The following VAV2 variants were observed in gnomAD, a reference collection of about 807,000 sequenced individuals.
VAV2 encodes guanine nucleotide exchange factor VAV2.
VAV2 carries 67 observed loss-of-function variants against 132.5 expected under a neutral mutation model. The observed-to-expected ratio is 0.51, with a 90% CI of 0.42 to 0.62. The LOEUF (loss-of-function observed/expected upper bound fraction) is 0.62. Ranked by LOEUF, VAV2 falls within the 20% of genes least tolerant of loss-of-function variation. The pLI, the probability that VAV2 is intolerant of heterozygous loss-of-function variation, is 0.00. For synonymous variants in VAV2, 492 were observed against 443.5 expected, an observed-to-expected ratio of 1.11 and a Z score of -1.37; for missense variants, 938 against 1,153.6, an observed-to-expected ratio of 0.81 and a Z score of 2.71.
At chr9:133,830,183 A>C (rs1403981551) in intron 4 of VAV2, among the ~76,000 whole-genome samples, 1 of 152,182 alleles carries the variant, frequency 6.6e-6, no homozygotes, top group Non-Finnish European at 1.5e-5. Context: ...CTGGGCAGTC[A>C]GCGGAGTCCT....
intron 3 of VAV2, among the ~76,000 whole-genome samples, chr9:133,856,971 G>C (rs113680732): frequency 6.6e-6 from 1 of 152,152 alleles, no homozygotes; most frequent in Non-Finnish European, 1.5e-5. Context: ...TGCGCTGCAC[G>C]ATGCACAGAC....
chr9:133,901,502 C>T (rs889557652), intron 2 of VAV2, among the ~76,000 whole-genome samples: 2 of 152,236 alleles, frequency 1.3e-5, no homozygotes, highest in African/African-American at 2.4e-5. Context: ...GGCACCACCT[C>T]GAGCCTGGTC....
intron 3 of VAV2, among the ~76,000 whole-genome samples, chr9:133,860,365 C>A (rs759927263): frequency 4.6e-5 from 7 of 152,086 alleles, no homozygotes; most frequent in Non-Finnish European, 8.8e-5. Context: ...AAAGGAATTT[C>A]TGTGTCCTCT....
chr9:133,848,327 G>T (rs1310192618), intron 3 of VAV2, among the ~76,000 whole-genome samples: 2 of 143,360 alleles, frequency 1.4e-5, no homozygotes, highest in African/African-American at 5.1e-5. Context: ...AAGATGAAAC[G>T]AAACAGTATT....
intron 1 of VAV2, among the ~76,000 whole-genome samples, chr9:133,939,992 G>A (rs1180159859): frequency 5.9e-5 from 9 of 152,254 alleles, no homozygotes; most frequent in South Asian, 4.1e-4. Flanking sequence ...TGGCTGGGGC[G>A]GAACGGCCAT....
intron 21 of VAV2, among the ~76,000 whole-genome samples, chr9:133,779,487 C>G (rs10993797): frequency 0.022 from 3,412 of 152,348 alleles, 53 homozygotes; most frequent in Middle Eastern, 0.048. Flanking sequence ...TGAGCACTGC[C>G]TGGACTGCAC....
At chr9:133,847,538 G>T (rs114070966) in intron 3 of VAV2, among the ~76,000 whole-genome samples, 1 of 152,176 alleles carries the variant, frequency 6.6e-6, no homozygotes, top group African/African-American at 2.4e-5. Flanking sequence ...ACCAAGAACC[G>T]AACGGGAAGA....
rs1259034716 is a variant in VAV2 at position 133,834,408 on chromosome 9, G to T, written c.381-68C>A. 1.3e-6 allele frequency: 2 copies of T among 1,539,656 alleles called. No homozygotes were observed. Among genetic ancestry groups the T allele is most frequent in the African/African-American group, 1.4e-5 (1 of 73,616 alleles). On this transcript the variant is annotated intron_variant, in intron 3 of 29. Coordinates refer to ENST00000371850, the MANE Select transcript of VAV2 (RefSeq NM_001134398.2). The surrounding 1 kb of genome is among the most constrained non-coding windows in gnomAD (Gnocchi z 5.9). ...CTGCCGGCCAGTGGGACCCCAGCTG[G>T]ACCCCACAGCAGAGCCCAGTGTGGC...
chr9:133,909,402 CCT>C (rs1466681143), intron 2 of VAV2, among the ~76,000 whole-genome samples: 7 of 152,346 alleles, frequency 4.6e-5, no homozygotes, highest in Middle Eastern at 3.4e-3. Flanking sequence ...TCTCTCTCTG[CCT>C]CTGTTTCTCC....
chr9:133,900,427 C>T (rs187491318), intron 2 of VAV2, among the ~76,000 whole-genome samples: 1 of 152,154 alleles, frequency 6.6e-6, no homozygotes, highest in Admixed American at 6.5e-5. Flanking sequence ...CCCCTTTCCC[C>T]TAAAGCCAGT....
chr9:133,973,756 G>A (rs572736824), intron 1 of VAV2, among the ~76,000 whole-genome samples: 1 of 152,182 alleles, frequency 6.6e-6, no homozygotes, highest in South Asian at 2.1e-4. Flanking sequence ...GGCTACCCAC[G>A]CCTACCCACC....
chr9:133,915,134 A>G (rs1283205056), intron 2 of VAV2, among the ~76,000 whole-genome samples: 4 of 152,134 alleles, frequency 2.6e-5, no homozygotes, highest in Non-Finnish European at 4.4e-5. Flanking sequence ...TTCCTGGCTC[A>G]GGGAGTTCAC....
At chr9:133,869,170 TA>T (rs1672930853) in intron 2 of VAV2, among the ~76,000 whole-genome samples, 2 of 152,138 alleles carry the variant, frequency 1.3e-5, no homozygotes, top group African/African-American at 4.8e-5. Context: ...GCTAATCTTG[TA>T]TTTTTAGTAG....
chr9:133,900,037 T>A (rs146372956), intron 2 of VAV2, among the ~76,000 whole-genome samples: 13,466 of 126,876 alleles, frequency 0.11, 1,274 homozygotes, highest in Non-Finnish European at 0.15. Flanking sequence ...AATAAATAAA[T>A]AAATAAATAA....
chr9:133,851,903 GGATGGGTGGA>G (rs1224410788), intron 3 of VAV2, among the ~76,000 whole-genome samples: 27 of 143,452 alleles, frequency 1.9e-4, no homozygotes, highest in African/African-American at 7.8e-4. Context: ...ATGGATGGAT[GGATGGGTGGA>G]TGGATGGATG....
chr9:133,986,742 C>T (rs1842866844), intron 1 of VAV2, among the ~76,000 whole-genome samples: 1 of 152,196 alleles, frequency 6.6e-6, no homozygotes, highest in Non-Finnish European at 1.5e-5. Flanking sequence ...GTCTTCTTTG[C>T]AACCAGCATT....
chr9:133,839,133 T>A (rs898592827), intron 3 of VAV2, among the ~76,000 whole-genome samples: 3 of 148,718 alleles, frequency 2.0e-5, no homozygotes, highest in Non-Finnish European at 4.5e-5. Context: ...GATGGGTAAA[T>A]GGCTGGGTTG....
chr9:133,946,436 T>C (rs1456392841), intron 1 of VAV2, among the ~76,000 whole-genome samples: 1 of 152,236 alleles, frequency 6.6e-6, no homozygotes, highest in Admixed American at 6.5e-5. Context: ...GGCACTCTCT[T>C]TTCAAGCCTC....
At position 133,772,107 on chromosome 9, in the gene VAV2, G is replaced by A. The variant is rs945730995; in HGVS notation, c.2136-61C>T. 10 of 1,323,364 alleles carry A rather than the reference G, an allele frequency of 7.6e-6. No homozygotes were observed. The East Asian group carries it at 1.4e-4, about 18-fold the overall frequency. 82.0% of individuals were successfully genotyped at this position (1,323,364 alleles called of 1,614,324 possible). The stretch of plus-strand genomic sequence containing the variant: ...AGGGCCACACGGCCCCGGCCCCCTT[G>A]GCAGCCAGGCTCATTCTGTGTTTGC... On this transcript the variant is annotated intron_variant, in intron 25 of 29. Coordinates refer to ENST00000371850, the MANE Select transcript of VAV2 (RefSeq NM_001134398.2).
Sources: allele counts gnomAD v4.1 joint callset (sites outside exome capture counted in the v4.1 genomes callset), GRCh38; gene constraint gnomAD v4.1.1; non-coding constraint Gnocchi (gnomAD v3.1); transcripts MANE v1.5; gene names NCBI Gene and HGNC (gene_info 2026-07-23, HGNC 2026-07-21).